Variants in SLC30A8 observed in about 807,000 individuals in gnomAD.
SLC30A8 encodes solute carrier family 30 member 8.
Under a neutral mutation model 36.9 loss-of-function variants are expected in SLC30A8, and 27 were observed. That is an observed-to-expected ratio of 0.73 (90% CI 0.54 to 1.01). The LOEUF (loss-of-function observed/expected upper bound fraction) is 1.01. Among genes scored for constraint, SLC30A8 ranks in the 50% least tolerant of loss-of-function variants. The pLI is 0.00. For synonymous variants in SLC30A8, 164 were observed against 172.4 expected (o/e 0.95, Z 0.38); for missense variants, 439 against 452.0 (o/e 0.97, Z 0.26).
chr8:117,093,682 T>TA (rs1166915487), intron 2 of SLC30A8, among the ~76,000 whole-genome samples: 1 of 152,200 alleles, frequency 6.6e-6, no homozygotes, highest in Non-Finnish European at 1.5e-5. Context: ...TAACCAGAGT[T>TA]ACTGTCATGG....
intron 2 of SLC30A8, among the ~76,000 whole-genome samples, chr8:117,059,678 G>A (rs1817973600): frequency 2.0e-5 from 3 of 152,138 alleles, no homozygotes; most frequent in Admixed American, 2.0e-4. Context: ...AGATCGTAGT[G>A]GTGGATAAAT....
At chr8:117,015,793 C>A (rs1427556540) in intron 1 of SLC30A8, among the ~76,000 whole-genome samples, 1 of 152,100 alleles carries the variant, frequency 6.6e-6, no homozygotes, top group Non-Finnish European at 1.5e-5. Context: ...TGACTCTAAG[C>A]CATATGTTTT....
At chr8:117,078,392 G>A (rs998791445) in intron 2 of SLC30A8, among the ~76,000 whole-genome samples, 1 of 152,172 alleles carries the variant, frequency 6.6e-6, no homozygotes, top group African/African-American at 2.4e-5. Flanking sequence ...TGAGATAGGT[G>A]CTATTGCTGT....
chr8:117,051,032 A>G (rs1817691076), intron 2 of SLC30A8, among the ~76,000 whole-genome samples: 1 of 152,260 alleles, frequency 6.6e-6, no homozygotes, highest in Admixed American at 6.5e-5. Context: ...GAGATGTAAT[A>G]TTCTGGTCAA....
intron 2 of SLC30A8, among the ~76,000 whole-genome samples, chr8:117,148,749 A>C (rs1822020941): frequency 6.6e-6 from 1 of 152,120 alleles, no homozygotes; most frequent in Admixed American, 6.5e-5. Flanking sequence ...TGGACAGCCT[A>C]TTTCTTGCAA....
chr8:117,087,698 A>G (rs1307686246), intron 2 of SLC30A8, among the ~76,000 whole-genome samples: 1 of 152,092 alleles, frequency 6.6e-6, no homozygotes, highest in African/African-American at 2.4e-5. Context: ...TTAGCAACTG[A>G]TGATACTTTT....
At position 116,993,815 on chromosome 8, in the gene SLC30A8, A is replaced by G. The variant is rs1049755310; in HGVS notation, c.-266+42696A>G. On this transcript the variant is annotated intron_variant, in intron 1 of 10. Transcript: ENST00000427715. Reference sequence around the variant, plus strand: ...AAATATCCGATCTGAAAGACAAAGTAAGGAGAATAACAGTAATAAATAATA... The same window carrying G: ...AAATATCCGATCTGAAAGACAAAGTGAGGAGAATAACAGTAATAAATAATA... Among the ~76,000 whole-genome samples the G allele has an allele frequency of 7.2e-5, 11 of 151,992 alleles. 1 individual carries two copies. The highest frequency in any genetic ancestry group is 2.4e-4 in the African/African-American group (10 of 41,316).
rs528257187 is a variant in SLC30A8, at chr8:117,053,376, G to A, written c.-226+14118G>A. On this transcript the variant is annotated intron_variant, in intron 2 of 10. Coordinates refer to the SLC30A8 transcript ENST00000427715. ...CAGAGAATCATGTCTGCATGTACATGTATTTAAAGCCCACTTAAAGACTTG... is the reference window on the plus strand; with the variant it reads ...CAGAGAATCATGTCTGCATGTACATATATTTAAAGCCCACTTAAAGACTTG... 1.8e-3 allele frequency among the ~76,000 whole-genome samples: 267 copies of A among 152,198 alleles called. 2 individuals are homozygous for A. Among genetic ancestry groups the A allele is most frequent in the South Asian group, 3.9e-3 (19 of 4,826 alleles).
chr8:117,141,197 T>G (rs1398236333), intron 1 of SLC30A8, among the ~76,000 whole-genome samples: 2 of 152,000 alleles, frequency 1.3e-5, no homozygotes, highest in Non-Finnish European at 1.5e-5. Flanking sequence ...ATTCTGCTGA[T>G]AGCAAAAAAG....
At chr8:117,111,081 A>T (rs182651885) in intron 2 of SLC30A8, among the ~76,000 whole-genome samples, 21 of 152,322 alleles carry the variant, frequency 1.4e-4, no homozygotes. Context: ...TTTGAGCCTC[A>T]GGTGTCTCAG....
intron 2 of SLC30A8, among the ~76,000 whole-genome samples, chr8:117,101,237 T>C (rs1819704832): frequency 6.6e-6 from 1 of 152,182 alleles, no homozygotes; most frequent in South Asian, 2.1e-4. Context: ...AAGTGCGTCT[T>C]TCCAGGGCCT....
rs778830080 is a variant in SLC30A8, at chr8:117,099,579, C to G, written c.-225-35701C>G. The stretch of plus-strand genomic sequence containing the variant: ...AAAGAAAGAAAATATCTGGTGACCA[C>G]AAGCCATCACTTGTGGTATCTTAAA... On this transcript the variant is annotated intron_variant, in intron 2 of 10. Coordinates refer to the SLC30A8 transcript ENST00000427715. 2.6e-5 allele frequency among the ~76,000 whole-genome samples: 4 copies of G among 152,106 alleles called. No individual in the cohort carries two copies. In the East Asian group the frequency reaches 7.7e-4, roughly 29 times the overall value.
intron 2 of SLC30A8, among the ~76,000 whole-genome samples, chr8:117,054,994 G>A (rs988014583): frequency 6.6e-6 from 1 of 152,166 alleles, no homozygotes; most frequent in Non-Finnish European, 1.5e-5. Flanking sequence ...AAAAGATCTT[G>A]CAACTCAGTA....
intron 2 of SLC30A8, among the ~76,000 whole-genome samples, chr8:117,102,411 A>C (rs1586518858): frequency 6.6e-6 from 1 of 152,226 alleles, no homozygotes; most frequent in African/African-American, 2.4e-5. Context: ...TGACTTTAAA[A>C]AGATCGAATG....
chr8:117,035,207 G>A (rs148008765), intron 1 of SLC30A8, among the ~76,000 whole-genome samples: 2,018 of 152,300 alleles, frequency 0.013, 48 homozygotes, highest in African/African-American at 0.046. Context: ...CAAGTCCAAA[G>A]TCTCATCTGA....
chr8:116,962,038 T>G lies in SLC30A8; in HGVS notation c.-266+10919T>G, dbSNP rs191046006. ...AGTACTTGAAATATCTAGTCTTGGA[T>G]ACTTGCAAACAATAAGTTGAATGTT... On this transcript the variant is annotated intron_variant, in intron 1 of 10. Coordinates refer to the SLC30A8 transcript ENST00000427715. Among the ~76,000 whole-genome samples, 108 of 152,102 alleles carry G rather than the reference T, an allele frequency of 7.1e-4. 5 individuals carry two copies. Among genetic ancestry groups the G allele is most frequent in the Admixed American group, 7.1e-3 (108 of 15,270 alleles).
intron 1 of SLC30A8, among the ~76,000 whole-genome samples, chr8:116,959,059 C>T (rs890677415): frequency 2.6e-5 from 4 of 151,860 alleles, no homozygotes; most frequent in African/African-American, 4.8e-5. Flanking sequence ...CCGTGTTAGC[C>T]GGGATGGTCT....
chr8:117,013,431 A>C (rs1038604733), intron 1 of SLC30A8, among the ~76,000 whole-genome samples: 2 of 152,188 alleles, frequency 1.3e-5, no homozygotes, highest in African/African-American at 4.8e-5. Context: ...TTCAGTGGGA[A>C]ATGTTATCAA....
intron 2 of SLC30A8, among the ~76,000 whole-genome samples, chr8:117,148,520 G>T (rs1380576717): frequency 6.6e-6 from 1 of 152,016 alleles, no homozygotes; most frequent in Non-Finnish European, 1.5e-5. Context: ...ACAAAGAAAA[G>T]CAAAGGCTAT....
Sources: gnomAD v4.1 joint callset for allele counts (sites outside exome capture counted in the v4.1 genomes callset) on GRCh38, gnomAD v4.1.1 for gene constraint, MANE v1.5 for transcripts, NCBI Gene and HGNC (gene_info 2026-07-23, HGNC 2026-07-21) for gene names.